The following MLLT3 variants were observed in gnomAD, a reference collection of about 807,000 sequenced individuals.
MLLT3 encodes the protein MLLT3 super elongation complex subunit.
MLLT3 carries 4 observed loss-of-function variants against 53.2 expected under a neutral mutation model. The observed-to-expected ratio is 0.08, with a 90% CI of 0.04 to 0.17. The LOEUF is 0.17. Ranked by LOEUF, MLLT3 falls within the 10% of genes least tolerant of loss-of-function variation. The pLI is 1.00. For missense variants in MLLT3, 569 were observed against 684.0 expected, an observed-to-expected ratio of 0.83 and a Z score of 1.87; for synonymous variants, 283 against 230.6, an observed-to-expected ratio of 1.23 and a Z score of -2.06.
chr9:20,611,064 T>C (rs907773747), intron 2 of MLLT3, among the ~76,000 whole-genome samples: 4 of 152,148 alleles, frequency 2.6e-5, no homozygotes, highest in South Asian at 4.1e-4. Context: ...AAAAAGGTCG[T>C]AATTATTTAG....
intron 2 of MLLT3, among the ~76,000 whole-genome samples, chr9:20,535,072 G>C (rs1365543514): frequency 6.6e-6 from 1 of 152,162 alleles, no homozygotes; most frequent in East Asian, 1.9e-4. Context: ...GGTACTGTTA[G>C]GAACCCTGGC....
intron 5 of MLLT3, among the ~76,000 whole-genome samples, chr9:20,400,791 G>C (rs1261162649): frequency 6.6e-6 from 1 of 151,950 alleles, no homozygotes; most frequent in Non-Finnish European, 1.5e-5. Flanking sequence ...AAGTGCTGCA[G>C]TTTTGAAACT....
chr9:20,402,566 T>C (rs1341178379), intron 5 of MLLT3, among the ~76,000 whole-genome samples: 1 of 152,178 alleles, frequency 6.6e-6, no homozygotes, highest in African/African-American at 2.4e-5. Flanking sequence ...CACTGGAGTT[T>C]TTAAAACCTC....
rs149291357 is a variant in MLLT3 at position 20,563,341 on chromosome 9, C to A, written c.193+57313G>T. ...TGCTATAACAGGTGAACTAAGAATACCTTTTATTCACTATCTAATCTTACC... is the reference window on the plus strand; with the variant it reads ...TGCTATAACAGGTGAACTAAGAATAACTTTTATTCACTATCTAATCTTACC... On this transcript the variant is annotated intron_variant, in intron 2 of 10. Transcript: ENST00000380338. 3.8e-3 allele frequency among the ~76,000 whole-genome samples: 570 copies of A among 151,994 alleles called. 4 individuals carry two copies. The highest frequency in any genetic ancestry group is 0.013 in the African/African-American group (533 of 41,480).
intron 2 of MLLT3, among the ~76,000 whole-genome samples, chr9:20,486,255 C>G (rs1182603432): frequency 6.6e-6 from 1 of 152,064 alleles, no homozygotes; most frequent in African/African-American, 2.4e-5. Context: ...GCAGCAATAA[C>G]TGCTTTCTGG....
chr9:20,505,772 C>T (rs1006386050), intron 2 of MLLT3, among the ~76,000 whole-genome samples: 2 of 152,100 alleles, frequency 1.3e-5, no homozygotes, highest in South Asian at 2.1e-4. Flanking sequence ...GCCTGTATTG[C>T]GTCACCTCGG....
At chr9:20,578,663 T>A (rs1181686105) in intron 2 of MLLT3, among the ~76,000 whole-genome samples, 2 of 152,130 alleles carry the variant, frequency 1.3e-5, no homozygotes, top group Non-Finnish European at 2.9e-5. Flanking sequence ...AGGACCTGCA[T>A]TTTAAATTAT....
At chr9:20,412,457 G>C (rs796958981) in intron 5 of MLLT3, among the ~76,000 whole-genome samples, 8 of 151,914 alleles carry the variant, frequency 5.3e-5, no homozygotes, top group African/African-American at 1.9e-4. Context: ...TTCGAGATTA[G>C]CTATAGAGAG....
intron 2 of MLLT3, among the ~76,000 whole-genome samples, chr9:20,551,327 A>C (rs564929843): frequency 6.6e-6 from 1 of 152,258 alleles, no homozygotes; most frequent in South Asian, 2.1e-4. Context: ...CTTTAATCCA[A>C]TGCATTCCAC....
chr9:20,524,201 G>A (rs551418610), intron 2 of MLLT3, among the ~76,000 whole-genome samples: 2 of 151,980 alleles, frequency 1.3e-5, no homozygotes, highest in Non-Finnish European at 2.9e-5. Context: ...GATAATGGAC[G>A]AAGCTGTGCA....
chr9:20,393,498 C>T (rs1462197732), intron 5 of MLLT3, among the ~76,000 whole-genome samples: 1 of 152,162 alleles, frequency 6.6e-6, no homozygotes, highest in Non-Finnish European at 1.5e-5. Context: ...AGCACTATAT[C>T]ATCTACAGTA....
intron 2 of MLLT3, among the ~76,000 whole-genome samples, chr9:20,599,781 C>G (rs886822324): frequency 6.6e-6 from 1 of 152,134 alleles, no homozygotes; most frequent in African/African-American, 2.4e-5. Flanking sequence ...TTGGACTGTC[C>G]TCAGCAAAAC....
At chr9:20,404,985 T>C (rs1822545233) in intron 5 of MLLT3, among the ~76,000 whole-genome samples, 1 of 152,130 alleles carries the variant, frequency 6.6e-6, no homozygotes. Context: ...TATTATAATT[T>C]TTTTCTGACA....
At chr9:20,403,418 A>G (rs1822504979) in intron 5 of MLLT3, among the ~76,000 whole-genome samples, 1 of 152,230 alleles carries the variant, frequency 6.6e-6, no homozygotes, top group Non-Finnish European at 1.5e-5. Context: ...TGGGTGGCAT[A>G]TAACACACAA....
chr9:20,542,055 T>C (rs1257099957), intron 2 of MLLT3, among the ~76,000 whole-genome samples: 1 of 152,164 alleles, frequency 6.6e-6, no homozygotes, highest in African/African-American at 2.4e-5. Flanking sequence ...TCACTATCTA[T>C]GGCAGCTGTT....
chr9:20,562,070 A>C (rs563138632), intron 2 of MLLT3, among the ~76,000 whole-genome samples: 1 of 152,120 alleles, frequency 6.6e-6, no homozygotes, highest in African/African-American at 2.4e-5. Flanking sequence ...ATTTTATGTC[A>C]TATTTTCATG....
intron 4 of MLLT3, among the ~76,000 whole-genome samples, chr9:20,431,691 C>A (rs1823273662): frequency 6.6e-6 from 1 of 151,920 alleles, no homozygotes; most frequent in African/African-American, 2.4e-5. Flanking sequence ...GACATATGCA[C>A]AAAAAGGTTC....
intron 2 of MLLT3, among the ~76,000 whole-genome samples, chr9:20,585,814 T>C (rs989877183): frequency 4.6e-5 from 7 of 152,192 alleles, no homozygotes; most frequent in Admixed American, 2.6e-4. Context: ...ATGCAGAAGA[T>C]TGGGCTCCAA....
At chr9:20,410,066 A>G (rs1822684232) in intron 5 of MLLT3, among the ~76,000 whole-genome samples, 1 of 152,156 alleles carries the variant, frequency 6.6e-6, no homozygotes, top group Admixed American at 6.5e-5. Context: ...TTTATCTTGT[A>G]TTTTTACATT....
Sources: allele counts gnomAD v4.1 joint callset (sites outside exome capture counted in the v4.1 genomes callset), GRCh38; gene constraint gnomAD v4.1.1; transcripts MANE v1.5; gene names NCBI Gene and HGNC (gene_info 2026-07-23, HGNC 2026-07-21).